CDH26: variants seen among roughly 807,000 people sequenced by gnomAD.
CDH26 encodes the protein cadherin-like protein 26.
In CDH26, 83 loss-of-function variants were observed where a neutral mutation model predicts 90.3. The ratio of observed to expected loss-of-function variants is 0.92; its 90% confidence interval spans 0.77 to 1.10. CDH26 has a LOEUF of 1.10. CDH26 is among the 50% of genes least tolerant of loss of function. The pLI, the probability that CDH26 is intolerant of heterozygous loss-of-function variation, is 0.00. For missense variants in CDH26, 1,013 were observed against 1,037.6 expected, an observed-to-expected ratio of 0.98 and a Z score of 0.33; for synonymous variants, 397 against 396.3, an observed-to-expected ratio of 1.00 and a Z score of -0.02.
chr20:59,994,710 G>C (rs566824412), intron 11 of CDH26, among the ~76,000 whole-genome samples: 3 of 152,202 alleles, frequency 2.0e-5, no homozygotes, highest in South Asian at 4.1e-4. Context: ...TCCTCATCAG[G>C]GGGTAGGAGG....
intron 4 of CDH26, among the ~76,000 whole-genome samples, chr20:59,973,656 G>C (rs578241494): frequency 1.3e-5 from 2 of 152,028 alleles, no homozygotes; most frequent in South Asian, 2.1e-4. Flanking sequence ...TTGGTTTTCT[G>C]TTCCTGTGTT....
At chr20:59,962,233 A>G (rs143617801) in intron 1 of CDH26, among the ~76,000 whole-genome samples, 72 of 152,314 alleles carry the variant, frequency 4.7e-4, no homozygotes, top group African/African-American at 1.7e-3. Context: ...ATGTGTTAGG[A>G]ACATATATTA....
Position 60,012,835 on chromosome 20 carries a change from C to G in CDH26, c.*105C>G. 1.0e-6 allele frequency: 1 copy of G among 985,514 alleles called. No homozygotes were observed. The highest frequency in any genetic ancestry group is 1.5e-6 in the Non-Finnish European group (1 of 664,896). The allele number at this position is 985,514 out of a possible 1,614,324, so 61.0% of individuals were successfully genotyped here. ...TTTTCCCTCCTTAAAAGAAAAATTA[C>G]CTTCTAGTCCTAGGATGAGGACACA... On this transcript the variant is annotated 3_prime_UTR_variant, in exon 18 of 18. Transcript: ENST00000348616.
intron 1 of CDH26, among the ~76,000 whole-genome samples, chr20:59,960,154 A>C (rs923855094): frequency 2.0e-5 from 3 of 152,154 alleles, no homozygotes; most frequent in Admixed American, 2.0e-4. Context: ...AGGGAGCTTC[A>C]AGGGATCTCA....
intron 17 of CDH26, among the ~76,000 whole-genome samples, chr20:60,010,493 T>TCTCCCCTCCC (rs755997148): frequency 1.3e-5 from 2 of 151,906 alleles, no homozygotes; most frequent in Admixed American, 1.3e-4. Flanking sequence ...CTAAAGTCCC[T>TCTCCCCTCCC]CTCCCCTCCC....
intron 14 of CDH26, 101 bp downstream of exon 14, chr20:59,999,764 A>G (rs886479176): frequency 4.0e-5 from 43 of 1,078,390 alleles, no homozygotes; most frequent in East Asian, 9.8e-5. Context: ...TGCCACATCC[A>G]GGGAGGTTCT....
Position 59,962,944 on chromosome 20 carries a change from A to G in CDH26, c.69+4149A>G, listed in dbSNP as rs553168760. Among the ~76,000 whole-genome samples, 4 of 152,286 alleles carry G rather than the reference A, an allele frequency of 2.6e-5. No individual in the cohort carries two copies. In the East Asian group the frequency reaches 7.7e-4, roughly 29 times the overall value. On this transcript the variant is annotated intron_variant, in intron 1 of 17. Coordinates refer to ENST00000348616, the MANE Select transcript of CDH26 (RefSeq NM_177980.4). Reference sequence around the variant, plus strand: ...ATACAAGCTATGCTATCAGTCTGGGACATGTAGGATTTGAGTTGCTTGTGG... The same window carrying G: ...ATACAAGCTATGCTATCAGTCTGGGGCATGTAGGATTTGAGTTGCTTGTGG...
chr20:59,970,330 T>C (rs2061241862), intron 3 of CDH26, 144 bp downstream of exon 3: 3 of 1,161,284 alleles, frequency 2.6e-6, no homozygotes, highest in Non-Finnish European at 3.5e-6. Context: ...GGCCTGGGGT[T>C]CAGGAAGCCT....
intron 7 of CDH26, among the ~76,000 whole-genome samples, chr20:59,985,725 CA>C (rs1320707791): frequency 6.6e-6 from 1 of 152,166 alleles, no homozygotes; most frequent in Non-Finnish European, 1.5e-5. Flanking sequence ...ATCAAGAAGC[CA>C]AATCATATTG....
chr20:60,023,492 C>T (rs1267077496), intron 7 of CDH26, among the ~76,000 whole-genome samples: 1 of 152,054 alleles, frequency 6.6e-6, no homozygotes, highest in African/African-American at 2.4e-5. Flanking sequence ...AACCACTGCC[C>T]ATTGTTTTTT....
At chr20:59,983,358 G>A (rs2061417233) in intron 5 of CDH26, among the ~76,000 whole-genome samples, 1 of 152,146 alleles carries the variant, frequency 6.6e-6, no homozygotes, top group South Asian at 2.1e-4. Context: ...TGGGTGATGA[G>A]CTTCTGCATA....
intron 9 of CDH26, among the ~76,000 whole-genome samples, chr20:59,990,160 A>G (rs1467139371): frequency 6.6e-6 from 1 of 152,156 alleles, no homozygotes; most frequent in Non-Finnish European, 1.5e-5. Context: ...AATGTCCTCA[A>G]AGTTCATGCA....
At chr20:59,971,272 G>A (rs1248636374) in intron 3 of CDH26, among the ~76,000 whole-genome samples, 8 of 152,154 alleles carry the variant, frequency 5.3e-5, no homozygotes, top group African/African-American at 1.9e-4. Context: ...AAGAGTCAGG[G>A]GGAGTGAGTG....
rs867678974 is a variant in CDH26, at chr20:59,967,821, C to A, written c.70-1146C>A. 4.7e-3 allele frequency among the ~76,000 whole-genome samples: 142 copies of A among 30,402 alleles called. No individual in the cohort carries two copies. In the South Asian group the frequency reaches 0.047, roughly 10 times the overall value. 19.9% of individuals were successfully genotyped at this position (30,402 alleles called of 152,430 possible). ...CCCTCCCTCCCTCCCTCATTTCTTT[C>A]TTTCTTTCTTTCTTTCTTTCTTTCT... On this transcript the variant is annotated intron_variant, in intron 1 of 17. Transcript: ENST00000348616.
Position 59,982,966 on chromosome 20 carries a change from A to C in CDH26, c.437A>C (p.Asp146Ala). 6.2e-7 allele frequency: 1 copy of C among 1,614,066 alleles called. No individual in the cohort carries two copies. Among genetic ancestry groups the C allele is most frequent in the East Asian group, 2.2e-5 (1 of 44,872 alleles). Reference protein sequence around the residue: ...VVERSTGKIVDTSLIFNIRIS... With the variant: ...VVERSTGKIVATSLIFNIRIS... ...GAGCGCTCAACAGGAAAAATTGTGG[A>C]TACATCCTTGATTTTCAACATTAGG... The change falls in exon 5 of 18, where the codon GAT (aspartate) becomes GCT (alanine). Residue 146 changes from aspartate to alanine, a missense_variant. Physicochemically the swap from Asp to Ala is moderately radical, Grantham distance 126. Transcript: ENST00000348616.
At chr20:59,988,473 T>A (rs1022396883) in intron 8 of CDH26, among the ~76,000 whole-genome samples, 1 of 152,240 alleles carries the variant, frequency 6.6e-6, no homozygotes, top group Non-Finnish European at 1.5e-5. Context: ...CTGCACCAGA[T>A]GCCTGGGGTT....
chr20:59,992,624 A>G lies in CDH26; in HGVS notation c.1426+104A>G. 1 of 1,184,076 alleles carries G rather than the reference A, an allele frequency of 8.4e-7. No individual in the cohort carries two copies. The highest frequency in any genetic ancestry group is 1.2e-6 in the Non-Finnish European group (1 of 821,782). The allele number at this position is 1,184,076 out of a possible 1,614,324, so 73.3% of individuals were successfully genotyped here. A position where few individuals can be genotyped will look rare whatever the true frequency, so the allele number is the denominator to read the frequency against. On this transcript the variant is annotated intron_variant, in intron 10 of 17. Transcript: ENST00000348616. This position sits in a 1 kb window ranked among gnomAD's most constrained non-coding sequence, Gnocchi z 5.0. The stretch of plus-strand genomic sequence containing the variant: ...TCAGCACAGCAGAGAAAAGGATAAA[A>G]TAAACCTTGTTATCACTCTGCATCC...
chr20:59,979,467 G>A (rs2061367439), intron 4 of CDH26, among the ~76,000 whole-genome samples: 1 of 152,054 alleles, frequency 6.6e-6, no homozygotes. Context: ...AAAGTGCTGG[G>A]ATTACAGGCG....
At chr20:60,000,020 T>C (rs1461328939) in intron 14 of CDH26, among the ~76,000 whole-genome samples, 1 of 152,260 alleles carries the variant, frequency 6.6e-6, no homozygotes, top group East Asian at 1.9e-4. Flanking sequence ...ATTAAGTACA[T>C]TTATTTAAGT....
Sources: allele counts gnomAD v4.1 joint callset (sites outside exome capture counted in the v4.1 genomes callset), GRCh38; gene constraint gnomAD v4.1.1; non-coding constraint Gnocchi (gnomAD v3.1); transcripts MANE v1.5; gene names NCBI Gene and HGNC (gene_info 2026-07-23, HGNC 2026-07-21).